FRMPD4: variants seen among roughly 807,000 people sequenced by gnomAD.
FRMPD4 encodes FERM and PDZ domain containing 4.
In FRMPD4, 22 loss-of-function variants were observed where a neutral mutation model predicts 94.1. That is an observed-to-expected ratio of 0.23 (90% CI 0.17 to 0.33). The LOEUF (loss-of-function observed/expected upper bound fraction) is 0.33. Ranked by LOEUF, FRMPD4 falls within the 10% of genes least tolerant of loss-of-function variation. The probability of loss-of-function intolerance (pLI) is 1.00; values close to 1 mark genes in which losing one functional copy is unlikely to be tolerated. For missense variants in FRMPD4, 1,111 were observed against 1,339.9 expected (o/e 0.83, Z 2.67); for synonymous variants, 631 against 548.6 (o/e 1.15, Z -2.10).
chrX:12,103,175 G>A (rs768195873), intron 3 of FRMPD4, among the ~76,000 whole-genome samples: 1 of 111,500 alleles, frequency 9.0e-6, no homozygotes, highest in African/African-American at 3.3e-5. Flanking sequence ...TGGAAATATT[G>A]CAACAATAAT....
intron 9 of FRMPD4, among the ~76,000 whole-genome samples, chrX:12,696,136 T>G (rs1002640485): frequency 8.9e-6 from 1 of 112,946 alleles, no homozygotes; most frequent in Non-Finnish European, 1.9e-5. Context: ...ATTGGTATGA[T>G]GAGAGTTTTC....
intron 4 of FRMPD4, among the ~76,000 whole-genome samples, chrX:12,630,036 C>A (rs1249567446): frequency 8.9e-6 from 1 of 112,582 alleles, no homozygotes; most frequent in Non-Finnish European, 1.9e-5. Flanking sequence ...GAGAGTTTGG[C>A]AGTGAACTTG....
rs182626040 is a variant in FRMPD4, at chrX:12,497,160, G to A, written c.42-1520G>A. 1.3e-4 allele frequency among the ~76,000 whole-genome samples: 15 copies of A among 111,468 alleles called. No individual in the cohort carries two copies. In the East Asian group the frequency reaches 2.5e-3, roughly 19 times the overall value. On this transcript the variant is annotated intron_variant, in intron 1 of 16. Coordinates refer to ENST00000675598, the MANE Select transcript of FRMPD4 (RefSeq NM_001368397.1). ...TGGGGAAGATAAACTTTCTGACACC[G>A]AACATAATTGAGTAAGCCAGAATAA...
chrX:12,493,594 C>A (rs2057813674), intron 1 of FRMPD4, among the ~76,000 whole-genome samples: 1 of 112,031 alleles, frequency 8.9e-6, no homozygotes, highest in Admixed American at 9.5e-5. Context: ...TGTTATCACA[C>A]TTATTTGTGG....
At chrX:11,840,070 A>G (rs1436015279) in intron 1 of FRMPD4, among the ~76,000 whole-genome samples, 1 of 111,675 alleles carries the variant, frequency 9.0e-6, no homozygotes, top group Non-Finnish European at 1.9e-5. Context: ...GCATTTCCAT[A>G]TAAATTTTAG....
chrX:12,657,574 T>C (rs1469488977), intron 4 of FRMPD4, among the ~76,000 whole-genome samples: 1 of 111,633 alleles, frequency 9.0e-6, no homozygotes, highest in Non-Finnish European at 1.9e-5. Context: ...AATGAATCAG[T>C]AAATCCAGCC....
chrX:12,329,859 A>G (rs756349093), intron 1 of FRMPD4, among the ~76,000 whole-genome samples: 46 of 63,627 alleles, frequency 7.2e-4, no homozygotes, highest in African/African-American at 3.6e-3. Flanking sequence ...TTTCTAACCA[A>G]AAAAAAAAAA....
intron 1 of FRMPD4, among the ~76,000 whole-genome samples, chrX:12,207,341 G>A (rs767994651): frequency 9.0e-6 from 1 of 111,316 alleles, no homozygotes; most frequent in South Asian, 3.8e-4. Context: ...AACTAAAGCT[G>A]TGAAATAGAA....
intron 2 of FRMPD4, among the ~76,000 whole-genome samples, chrX:12,542,872 T>C (rs2058431925): frequency 8.9e-6 from 1 of 112,181 alleles, no homozygotes; most frequent in Non-Finnish European, 1.9e-5. Context: ...AACAGCATGG[T>C]ACTGGTATCT....
chrX:11,975,796 C>G (rs1343690820), intron 3 of FRMPD4, among the ~76,000 whole-genome samples: 2 of 111,490 alleles, frequency 1.8e-5, no homozygotes, highest in African/African-American at 6.5e-5. Context: ...CATAGAGCCT[C>G]AAAGAAAGTT....
intron 1 of FRMPD4, among the ~76,000 whole-genome samples, chrX:11,839,739 G>A (rs1004836576): frequency 1.8e-5 from 2 of 111,269 alleles, no homozygotes; most frequent in African/African-American, 6.5e-5. Context: ...AAGCCGCTAA[G>A]TTCCTTTTCT....
chrX:12,246,669 C>CTT (rs201577016), intron 1 of FRMPD4, among the ~76,000 whole-genome samples: 19 of 106,481 alleles, frequency 1.8e-4, no homozygotes, highest in South Asian at 8.4e-4. Flanking sequence ...AATTTCTGTT[C>CTT]TTTTTTTTTT....
At chrX:12,417,470 T>G (rs1246296661) in intron 1 of FRMPD4, among the ~76,000 whole-genome samples, 2 of 104,801 alleles carry the variant, frequency 1.9e-5, no homozygotes, top group Admixed American at 1.0e-4. Flanking sequence ...TCCCAGCTAC[T>G]TGGGGGGCCA....
At chrX:12,538,009 G>A (rs1420545632) in intron 2 of FRMPD4, among the ~76,000 whole-genome samples, 18 of 110,897 alleles carry the variant, frequency 1.6e-4, no homozygotes, top group Admixed American at 6.7e-4. Context: ...GTTGGAGAGC[G>A]AGTGCCAAAG....
At position 12,717,013 on chromosome X, in the gene FRMPD4, G is replaced by C; in HGVS notation, c.2554G>C (p.Ala852Pro). 4.1e-6 allele frequency: 5 copies of C among 1,209,248 alleles called. No homozygotes were observed. The highest frequency in any genetic ancestry group is 5.6e-6 in the Non-Finnish European group (5 of 892,891). ...TGAGATCCCCGTGTCCCTCATTGAC[G>C]CTGTGCCCACCAGCGCCGAAGGCAA... Reference protein sequence around the residue: ...NDEIPVSLIDAVPTSAEGKCE... With the variant: ...NDEIPVSLIDPVPTSAEGKCE... Residue 852 changes from alanine to proline, a missense_variant, in exon 15 of 17, where the codon GCT becomes CCT. By Grantham distance (27) the Ala-to-Pro change is conservative. Coordinates refer to ENST00000675598, the MANE Select transcript of FRMPD4 (RefSeq NM_001368397.1).
At chrX:12,567,180 T>C (rs2058721997) in intron 2 of FRMPD4, among the ~76,000 whole-genome samples, 2 of 112,187 alleles carry the variant, frequency 1.8e-5, no homozygotes, top group African/African-American at 6.5e-5. Flanking sequence ...AATTAAATTA[T>C]TGTAATAAAT....
chrX:12,439,674 C>T (rs2057112716), intron 1 of FRMPD4, among the ~76,000 whole-genome samples: 2 of 111,980 alleles, frequency 1.8e-5, no homozygotes, highest in Admixed American at 1.9e-4. Flanking sequence ...TTATATCCAG[C>T]CTTATTCAAA....
chrX:12,129,757 C>G (rs531816976), intron 3 of FRMPD4, among the ~76,000 whole-genome samples: 5 of 111,602 alleles, frequency 4.5e-5, no homozygotes, highest in Middle Eastern at 4.6e-3. Flanking sequence ...GCTGTGTGGT[C>G]TCTAATCATT....
intron 3 of FRMPD4, among the ~76,000 whole-genome samples, chrX:12,052,622 T>C (rs2054824647): frequency 8.9e-6 from 1 of 112,362 alleles, no homozygotes; most frequent in Non-Finnish European, 1.9e-5. Context: ...AAAGCAATCA[T>C]TAAGTATGCA....
Sources: allele counts gnomAD v4.1 joint callset (sites outside exome capture counted in the v4.1 genomes callset), GRCh38; gene constraint gnomAD v4.1.1; transcripts MANE v1.5; gene names NCBI Gene and HGNC (gene_info 2026-07-23, HGNC 2026-07-21).